HRAS: variants seen among roughly 807,000 people sequenced by gnomAD.
HRAS encodes the protein GTPase HRas.
A neutral mutation model predicts 19.8 loss-of-function variants in HRAS; 11 were observed. The observed-to-expected ratio is 0.55, with a 90% CI of 0.35 to 0.92. The LOEUF is 0.92. Among genes scored for constraint, HRAS ranks in the 40% least tolerant of loss-of-function variants. HRAS has a pLI of 0.01. For missense variants in HRAS, 204 were observed against 255.9 expected, an observed-to-expected ratio of 0.80 and a Z score of 1.38; for synonymous variants, 149 against 105.5, an observed-to-expected ratio of 1.41 and a Z score of -2.52.
Position 532,452 on chromosome 11 carries a change from C to A in HRAS, c.*76G>T. On this transcript the variant is annotated 3_prime_UTR_variant, in exon 6 of 6. Coordinates refer to ENST00000311189, the MANE Select transcript of HRAS (RefSeq NM_005343.4). Reference sequence around the variant, plus strand: ...CAGCCCTTCCTTCCTTCCTTGCTTCCGTCCTTCCTTCCTCCTCCTTCCGTC... The same window carrying A: ...CAGCCCTTCCTTCCTTCCTTGCTTCAGTCCTTCCTTCCTCCTCCTTCCGTC... 1.2e-6 allele frequency: 1 copy of A among 834,818 alleles called. No homozygotes were observed. The highest frequency in any genetic ancestry group is 1.9e-6 in the Non-Finnish European group (1 of 537,558). The allele number at this position is 834,818 out of a possible 1,614,324, so 51.7% of individuals were successfully genotyped here. A position where few individuals can be genotyped will look rare whatever the true frequency, so the allele number is the denominator to read the frequency against.
At position 532,460 on chromosome 11, in the gene HRAS, C is replaced by T. The variant is rs1851158026; in HGVS notation, c.*68G>A. On this transcript the variant is annotated 3_prime_UTR_variant, in exon 6 of 6. Coordinates refer to ENST00000311189, the MANE Select transcript of HRAS (RefSeq NM_005343.4). ...CCTTCCTTCCTTGCTTCCGTCCTTC[C>T]TTCCTCCTCCTTCCGTCTGCACCTC... is the stretch of plus-strand genomic sequence containing the variant. The T allele has an allele frequency of 1.1e-6, 1 of 871,568 alleles. No homozygotes were observed. The highest frequency in any genetic ancestry group is 1.8e-6 in the Non-Finnish European group (1 of 569,398). The allele number at this position is 871,568 out of a possible 1,614,324, so 54.0% of individuals were successfully genotyped here.
In HRAS at chr11:532,293, C is replaced by G; in HGVS notation, c.*235G>C. The G allele has an allele frequency of 2.1e-6, 1 of 477,546 alleles. No individual in the cohort carries two copies. Among genetic ancestry groups the G allele is most frequent in the Non-Finnish European group, 3.9e-6 (1 of 259,724 alleles). 29.6% of individuals were successfully genotyped at this position (477,546 alleles called of 1,614,324 possible). A position where few individuals can be genotyped will look rare whatever the true frequency, so the allele number is the denominator to read the frequency against. On this transcript the variant is annotated 3_prime_UTR_variant, in exon 6 of 6. Coordinates refer to ENST00000311189, the MANE Select transcript of HRAS (RefSeq NM_005343.4). ...ATCCCATCTGTGCCCGACAAGGGCC[C>G]ACAGAGGCCTGGGAGGGGAGCTAAG... is the stretch of plus-strand genomic sequence containing the variant.
At chr11:534,576 A>C in intron 1 of HRAS, 1 of 574,236 alleles carries the variant, frequency 1.7e-6, no homozygotes. Flanking sequence ...CTTGCTCTTA[A>C]TGACCCAGTG....
In HRAS at chr11:533,475, T is replaced by C; in HGVS notation, c.428A>G (p.Glu143Gly). ...LARSYGIPYI[E>G]TSAKTRQGVE... is the part of the protein sequence containing the mutation. ...CACCTGCCGGGTCTTGGCCGAGGTCTCGATGTAGGGGATGCCGTAGCTTCG... is the reference window on the plus strand; with the variant it reads ...CACCTGCCGGGTCTTGGCCGAGGTCCCGATGTAGGGGATGCCGTAGCTTCG... Residue 143 changes from glutamate (E) to glycine (G), a missense_variant, in exon 4 of 6, where the codon GAG (glutamate) becomes GGG (glycine). Glu to Gly is a moderately conservative substitution (Grantham distance 98). Transcript: ENST00000311189. 6.2e-7 allele frequency: 1 copy of C among 1,613,432 alleles called. No homozygotes were observed. The highest frequency in any genetic ancestry group is 8.5e-7 in the Non-Finnish European group (1 of 1,179,944).
chr11:533,359 CTG>C, intron 4 of HRAS, 92 bp downstream of exon 4: 1 of 1,606,976 alleles, frequency 6.2e-7, no homozygotes, highest in Non-Finnish European at 8.5e-7. Flanking sequence ...AGCGGCTGCC[CTG>C]TGTCAAGGGA....
chr11:535,546 G>C lies in HRAS; in HGVS notation c.-184C>G, dbSNP rs1346571114. 6.7e-6 allele frequency: 1 copy of C among 148,552 alleles called. No homozygotes were observed. The highest frequency in any genetic ancestry group is 6.7e-5 in the Admixed American group (1 of 14,968). 9.2% of individuals were successfully genotyped at this position (148,552 alleles called of 1,614,324 possible). A position where few individuals can be genotyped will look rare whatever the true frequency, so the allele number is the denominator to read the frequency against. On this transcript the variant is annotated 5_prime_UTR_variant, in exon 1 of 6. Transcript: ENST00000311189. The stretch of plus-strand genomic sequence containing the variant: ...GGGTGCGGCTCGGGTTGCGGGCGCA[G>C]GGCACGGGCGGCGGAGACTCGGGCG...
Position 533,894 on chromosome 11 carries a change from G to A in HRAS, c.162C>T (p.Asp54=), listed in dbSNP as rs1057520410. ...VVIDGETCLL[D]ILDTAGQEEY... ...CCTCCTGGCCGGCGGTATCCAGGAT[G>A]TCCAACAGGCACGTCTCCCCATCAA... is the stretch of plus-strand genomic sequence containing the variant. The change falls in exon 3 of 6, where the codon GAC becomes GAT. Residue 54 remains aspartate, a synonymous_variant. Transcript: ENST00000311189. 1.2e-6 allele frequency: 2 copies of A among 1,613,270 alleles called. No individual in the cohort carries two copies. The highest frequency in any genetic ancestry group is 1.7e-6 in the Non-Finnish European group (2 of 1,180,002).
chr11:534,162 G>C lies in HRAS; in HGVS notation c.111+50C>G, dbSNP rs375249516. On this transcript the variant is annotated intron_variant, in intron 2 of 5. Transcript: ENST00000311189. ...GCCAGCCCTATCCTGGCTGTGTCCT[G>C]GGCTCGCCCGCAGCAGCTGCTGGCA... 381 of 1,448,250 alleles carry C rather than the reference G, an allele frequency of 2.6e-4. No homozygotes were observed. The highest frequency in any genetic ancestry group is 3.6e-4 in the Non-Finnish European group (370 of 1,032,998). The allele number at this position is 1,448,250 out of a possible 1,614,324, so 89.7% of individuals were successfully genotyped here. A position where few individuals can be genotyped will look rare whatever the true frequency, so the allele number is the denominator to read the frequency against.
intron 1 of HRAS, 175 bp from the exon 2 acceptor site, chr11:534,550 T>C (rs2133996711): frequency 1.9e-5 from 11 of 592,284 alleles, no homozygotes; most frequent in Non-Finnish European, 3.3e-5. Flanking sequence ...GCGGGAGGGC[T>C]GTCGCCTCGC....
chr11:532,867 C>T, intron 4 of HRAS, 112 bp from the exon 5 acceptor site: 2 of 1,059,458 alleles, frequency 1.9e-6, no homozygotes, highest in Non-Finnish European at 2.9e-6. Flanking sequence ...CCGACTCCAC[C>T]AGCCACTTCC....
At chr11:532,547 C>A in intron 5 of HRAS, 25 bp from the exon 6 acceptor site, 1 of 1,546,172 alleles carries the variant, frequency 6.5e-7, no homozygotes, top group Non-Finnish European at 8.7e-7. Context: ...AGGGAGGCTG[C>A]TGACCGCAGG....
rs1255434828 is a variant in HRAS at position 533,826 on chromosome 11, C to G, written c.230G>C (p.Gly77Ala). 6.2e-7 allele frequency: 1 copy of G among 1,613,344 alleles called. No homozygotes were observed. The highest frequency in any genetic ancestry group is 8.5e-7 in the Non-Finnish European group (1 of 1,179,992). The change falls in exon 3 of 6, where the codon GGC becomes GCC. Residue 77 changes from glycine (G) to alanine (A), a missense_variant. Around this residue, in one of 4 missense-constraint regions of HRAS, gnomAD observed 51 missense variants for 79.0 expected, o/e 0.65. Transcript: ENST00000311189. ...MRDQYMRTGEGFLCVFAINNT... is the reference protein window; with the variant it reads ...MRDQYMRTGEAFLCVFAINNT... ...GTTGATGGCAAACACACACAGGAAG[C>G]CCTCCCCGGTGCGCATGTACTGGTC...
rs772989900 is a variant in HRAS, at chr11:534,327, CCT to C, written c.-7_-6del. 6.2e-7 allele frequency: 1 copy of C among 1,609,800 alleles called. No homozygotes were observed. Among genetic ancestry groups the C allele is most frequent in the Admixed American group, 1.7e-5 (1 of 60,012 alleles). On this transcript the variant is annotated 5_prime_UTR_variant, in exon 2 of 6. Transcript: ENST00000311189. ...CACCAGCTTATATTCCGTCATCGCT[CCT>C]CAGGGGCCTGCGGCCCGGGGTCCTC...
At chr11:534,859 C>T (rs901746859) in intron 1 of HRAS, among the ~76,000 whole-genome samples, 2 of 152,190 alleles carry the variant, frequency 1.3e-5, no homozygotes, top group African/African-American at 4.8e-5. Flanking sequence ...GAGGGGAGGG[C>T]AGACCCGGGC....
chr11:534,353 T>C lies in HRAS; in HGVS notation c.-31A>G, dbSNP rs1169813174. On this transcript the variant is annotated 5_prime_UTR_variant, in exon 2 of 6. Transcript: ENST00000311189. The stretch of plus-strand genomic sequence containing the variant: ...CTCAGGGGCCTGCGGCCCGGGGTCC[T>C]CCTACAGGGTCTCCTGCCCCACCTG... The C allele has an allele frequency of 1.3e-6, 2 of 1,550,846 alleles. No homozygotes were observed. The highest frequency in any genetic ancestry group is 1.4e-5 in the African/African-American group (1 of 73,848).
At chr11:532,936 AC>A (rs1485260559) in intron 4 of HRAS, among the ~76,000 whole-genome samples, 181 bp from the exon 5 acceptor site, 1 of 152,020 alleles carries the variant, frequency 6.6e-6, no homozygotes, top group Non-Finnish European at 1.5e-5. Context: ...GCCCAGGGCC[AC>A]CCGCATCATG....
Position 533,509 on chromosome 11 carries a change from C to T in HRAS, c.394G>A (p.Asp132Asn), listed in dbSNP as rs759893630. The T allele has an allele frequency of 4.8e-5, 77 of 1,613,596 alleles. No homozygotes were observed. Among genetic ancestry groups the T allele is most frequent in the Non-Finnish European group, 6.4e-5 (76 of 1,180,002 alleles). The change falls in exon 4 of 6, where the codon GAC (aspartate) becomes AAC (asparagine). Residue 132 changes from aspartate (D) to asparagine (N), a missense_variant. Asp to Asn is a conservative substitution (Grantham distance 23). Around this residue, in one of 4 missense-constraint regions of HRAS, gnomAD observed 142 missense variants for 141.1 expected, o/e 1.01. Coordinates refer to ENST00000311189, the MANE Select transcript of HRAS (RefSeq NM_005343.4). ...GGGATGCCGTAGCTTCGGGCGAGGTCCTGAGCCTGCCGAGATTCCACAGTG... is the reference window on the plus strand; with the variant it reads ...GGGATGCCGTAGCTTCGGGCGAGGTTCTGAGCCTGCCGAGATTCCACAGTG... Reference protein sequence around the residue: ...ARTVESRQAQDLARSYGIPYI... With the variant: ...ARTVESRQAQNLARSYGIPYI...
chr11:534,352 C>T lies in HRAS; in HGVS notation c.-30G>A, dbSNP rs773131584. The T allele has an allele frequency of 1.9e-6, 3 of 1,566,318 alleles. No individual in the cohort carries two copies. Among genetic ancestry groups the T allele is most frequent in the African/African-American group, 1.3e-5 (1 of 74,216 alleles). On this transcript the variant is annotated 5_prime_UTR_variant, in exon 2 of 6. Coordinates refer to ENST00000311189, the MANE Select transcript of HRAS (RefSeq NM_005343.4). ...CCTCAGGGGCCTGCGGCCCGGGGTCCTCCTACAGGGTCTCCTGCCCCACCT... is the reference window on the plus strand; with the variant it reads ...CCTCAGGGGCCTGCGGCCCGGGGTCTTCCTACAGGGTCTCCTGCCCCACCT...
Position 532,642 on chromosome 11 carries a change from G to T in HRAS, c.564C>A (p.Leu188=). The change falls in exon 5 of 6, where the codon CTC becomes CTA. Residue 188 remains leucine, a synonymous_variant. Coordinates refer to ENST00000311189, the MANE Select transcript of HRAS (RefSeq NM_005343.4). ...GGAGTCCCCCTCACCTGCGTCAGGA[G>T]AGCACACACTTGCAGCTCATGCAGC... ...GPGCMSCKCV[L]S 1 of 1,611,836 alleles carries T rather than the reference G, an allele frequency of 6.2e-7. No individual in the cohort carries two copies.
Sources: allele counts gnomAD v4.1 joint callset (sites outside exome capture counted in the v4.1 genomes callset), GRCh38; gene constraint gnomAD v4.1.1; regional missense constraint gnomAD v4.1.1; transcripts MANE v1.5; gene names NCBI Gene and HGNC (gene_info 2026-07-23, HGNC 2026-07-21).